The following PI4KA variants were observed in gnomAD, a reference collection of about 807,000 sequenced individuals.
PI4KA encodes the protein phosphatidylinositol 4-kinase alpha.
A neutral mutation model predicts 271.4 loss-of-function variants in PI4KA; 122 were observed. The observed-to-expected ratio is 0.45, with a 90% confidence interval of 0.39 to 0.52. The LOEUF (loss-of-function observed/expected upper bound fraction) is 0.52, where lower values mean the gene tolerates loss of function less well. PI4KA is among the 20% of genes least tolerant of loss of function. PI4KA has a pLI of 0.00. For missense variants in PI4KA, 1,969 were observed against 2,769.1 expected (o/e 0.71, Z 6.48); for synonymous variants, 1,041 against 1,078.8 (o/e 0.96, Z 0.69).
At chr22:20,786,495 T>A (rs1257107241) in intron 19 of PI4KA, among the ~76,000 whole-genome samples, 1 of 152,082 alleles carries the variant, frequency 6.6e-6, no homozygotes, top group Non-Finnish European at 1.5e-5. Flanking sequence ...ACTATACACA[T>A]ACTTAACTTA....
intron 2 of PI4KA, among the ~76,000 whole-genome samples, chr22:20,836,366 T>C (rs1346534684): frequency 6.6e-6 from 1 of 152,206 alleles, no homozygotes; most frequent in East Asian, 1.9e-4. Context: ...CAAAGAACTT[T>C]ATCAAAAACA....
chr22:20,821,391 T>G (rs1381135148), intron 4 of PI4KA, among the ~76,000 whole-genome samples: 2 of 150,666 alleles, frequency 1.3e-5, no homozygotes, highest in African/African-American at 4.9e-5. Flanking sequence ...GCTAATTTTT[T>G]GTATTTTTAG....
Position 20,858,557 on chromosome 22 carries a change from C to T in PI4KA, c.156+13G>A. 4.4e-6 allele frequency: 6 copies of T among 1,371,964 alleles called. No individual in the cohort carries two copies. Among genetic ancestry groups the T allele is most frequent in the East Asian group, 3.1e-5 (1 of 32,396 alleles). The allele number at this position is 1,371,964 out of a possible 1,614,324, so 85.0% of individuals were successfully genotyped here. On this transcript the variant is annotated intron_variant, in intron 1 of 54. Coordinates refer to ENST00000255882, the MANE Select transcript of PI4KA (RefSeq NM_058004.4). ...TCCTCCTGTCAGCCCGCGGCCCAGC[C>T]CGCCGACGTTACCTTCTCCAAGGAT...
chr22:20,725,282 T>G (rs1568957293), intron 42 of PI4KA: 1 of 202,872 alleles, frequency 4.9e-6, no homozygotes, highest in Non-Finnish European at 1.1e-5. Flanking sequence ...GTGGGCAGGC[T>G]GGCGCGAGGG....
intron 3 of PI4KA, among the ~76,000 whole-genome samples, chr22:20,833,211 G>A (rs186500264): frequency 3.3e-5 from 5 of 152,252 alleles, no homozygotes; most frequent in Admixed American, 2.6e-4. Context: ...GGCTGGTATT[G>A]GGCACTCAGC....
At chr22:20,729,528 C>A (rs1232272199) in intron 38 of PI4KA, 22 bp from the exon 39 acceptor site, 1 of 1,564,324 alleles carries the variant, frequency 6.4e-7, no homozygotes, top group South Asian at 1.2e-5. Context: ...AGACATAAGG[C>A]CTGATATGCA....
chr22:20,807,954 A>G (rs937249835), intron 9 of PI4KA, among the ~76,000 whole-genome samples: 2 of 141,606 alleles, frequency 1.4e-5, no homozygotes, highest in African/African-American at 5.2e-5. Flanking sequence ...TCTTCTTCTG[A>G]AAAAAAAAAA....
At position 20,810,966 on chromosome 22, in the gene PI4KA, C is replaced by T. The variant is rs373711425; in HGVS notation, c.1071+1G>A. 3.7e-6 allele frequency: 6 copies of T among 1,609,310 alleles called. No individual in the cohort carries two copies. In the African/African-American group the frequency reaches 6.7e-5, roughly 18 times the overall value. ...TGGTAATGCCCTCAGAAGCGACATACCTCCATCACACTGGCTACAATGGCA... is the reference window on the plus strand; with the variant it reads ...TGGTAATGCCCTCAGAAGCGACATATCTCCATCACACTGGCTACAATGGCA... On this transcript the variant is annotated splice_donor_variant, in intron 9 of 54. Coordinates refer to ENST00000255882, the MANE Select transcript of PI4KA (RefSeq NM_058004.4). LOFTEE classifies it high-confidence loss of function.
At chr22:20,857,614 C>T (rs1179719208) in intron 1 of PI4KA, among the ~76,000 whole-genome samples, 1 of 152,188 alleles carries the variant, frequency 6.6e-6, no homozygotes, top group Non-Finnish European at 1.5e-5. Context: ...CACGGGTGGG[C>T]AAAGAAAGTT....
chr22:20,831,541 C>T (rs563658930), intron 3 of PI4KA, among the ~76,000 whole-genome samples: 1 of 152,224 alleles, frequency 6.6e-6, no homozygotes, highest in Non-Finnish European at 1.5e-5. Context: ...GCACTCCAGC[C>T]TGAGTGATGG....
intron 31 of PI4KA, 23 bp from the exon 32 acceptor site, chr22:20,742,378 C>CT: frequency 1.2e-6 from 2 of 1,609,842 alleles, no homozygotes; most frequent in Non-Finnish European, 1.7e-6. Context: ...ACACGTCAGT[C>CT]AGAGGCCTCC....
At chr22:20,827,410 T>C (rs1035771495) in intron 3 of PI4KA, among the ~76,000 whole-genome samples, 3 of 152,182 alleles carry the variant, frequency 2.0e-5, no homozygotes, top group Admixed American at 1.3e-4. Flanking sequence ...GTCTATGTGC[T>C]ATTTTTTTTA....
intron 19 of PI4KA, among the ~76,000 whole-genome samples, chr22:20,780,421 G>A (rs1200668228): frequency 6.6e-6 from 1 of 152,156 alleles, no homozygotes; most frequent in Non-Finnish European, 1.5e-5. Flanking sequence ...GCCTTGTGAG[G>A]TCATCACTGT....
chr22:20,718,102 T>C (rs974341812), intron 44 of PI4KA, among the ~76,000 whole-genome samples: 1 of 152,154 alleles, frequency 6.6e-6, no homozygotes, highest in Non-Finnish European at 1.5e-5. Context: ...ATCTCGTGGG[T>C]TAGAAGCTGC....
intron 27 of PI4KA, among the ~76,000 whole-genome samples, chr22:20,750,819 A>G (rs1930600196): frequency 6.6e-6 from 1 of 152,182 alleles, no homozygotes; most frequent in Non-Finnish European, 1.5e-5. Flanking sequence ...TGGGGAGAGG[A>G]GAGACCCAGT....
At chr22:20,774,279 C>T (rs1383181923) in intron 19 of PI4KA, 2 of 152,228 alleles carry the variant, frequency 1.3e-5, no homozygotes, top group Non-Finnish European at 2.9e-5. Flanking sequence ...GAAATGGTTT[C>T]ATTTTTCAGT....
chr22:20,763,016 T>TGGGGGGGG (rs764908841), intron 22 of PI4KA, among the ~76,000 whole-genome samples: 1 of 14,186 alleles, frequency 7.0e-5, no homozygotes, highest in Non-Finnish European at 1.2e-4. Flanking sequence ...GCTTTTTTTT[T>TGGGGGGGG]TGGGGGGGGG....
chr22:20,763,436 CT>C lies in PI4KA; in HGVS notation c.2708+1380del, dbSNP rs918780172. Among the ~76,000 whole-genome samples, 6 of 148,580 alleles carry C rather than the reference CT, an allele frequency of 4.0e-5. No individual in the cohort carries two copies. In the Admixed American group the frequency reaches 4.0e-4, roughly 10 times the overall value. The stretch of plus-strand genomic sequence containing the variant: ...TGCCTAGCCATTTTTGTGCAATGTT[CT>C]TTTTTTCTTTTTTTTTTTTTGAGAC... On this transcript the variant is annotated intron_variant, in intron 22 of 54. Coordinates refer to ENST00000255882, the MANE Select transcript of PI4KA (RefSeq NM_058004.4).
chr22:20,809,023 A>G (rs1162144229), intron 9 of PI4KA, among the ~76,000 whole-genome samples: 1 of 152,110 alleles, frequency 6.6e-6, no homozygotes, highest in Non-Finnish European at 1.5e-5. Flanking sequence ...TCCCAGGAGG[A>G]CACTGACAGG....
Sources: gnomAD v4.1 joint callset for allele counts (sites outside exome capture counted in the v4.1 genomes callset) on GRCh38, gnomAD v4.1.1 for gene constraint, MANE v1.5 for transcripts, NCBI Gene and HGNC (gene_info 2026-07-23, HGNC 2026-07-21) for gene names.